DYNC1H1: variants seen among roughly 807,000 people sequenced by gnomAD.
DYNC1H1 encodes cytoplasmic dynein 1 heavy chain 1.
Under a neutral mutation model 527.1 loss-of-function variants are expected in DYNC1H1, and 51 were observed. The ratio of observed to expected loss-of-function variants is 0.10; its 90% CI spans 0.08 to 0.12. The LOEUF (loss-of-function observed/expected upper bound fraction) is 0.12. Ranked by LOEUF, DYNC1H1 falls within the 10% of genes least tolerant of loss-of-function variation. The pLI is 1.00. For synonymous variants in DYNC1H1, 2,189 were observed against 2,278.8 expected, an observed-to-expected ratio of 0.96 and a Z score of 1.12; for missense variants, 2,771 against 5,971.8, an observed-to-expected ratio of 0.46 and a Z score of 17.66.
At chr14:101,972,263 T>C (rs1323474407) in intron 1 of DYNC1H1, among the ~76,000 whole-genome samples, 4 of 151,878 alleles carry the variant, frequency 2.6e-5, no homozygotes, top group African/African-American at 9.7e-5. Context: ...TATTATTTGA[T>C]GGCAGTTTTT....
At chr14:101,969,716 T>A (rs1314595627) in intron 1 of DYNC1H1, 4 of 152,326 alleles carry the variant, frequency 2.6e-5, no homozygotes, top group Non-Finnish European at 5.9e-5. Flanking sequence ...TGCCCCATGC[T>A]GTCACACTGT....
At chr14:101,991,407 G>A in intron 10 of DYNC1H1, 120 bp from the exon 11 acceptor site, 1 of 1,288,036 alleles carries the variant, frequency 7.8e-7, no homozygotes, top group South Asian at 1.3e-5. Flanking sequence ...GGAGGTTACA[G>A]TGAGCCAAGG....
Position 102,004,926 on chromosome 14 carries a change from C to T in DYNC1H1, c.5214C>T (p.Tyr1738=), listed in dbSNP as rs757414019. 3 of 1,614,212 alleles carry T rather than the reference C, an allele frequency of 1.9e-6. No individual in the cohort carries two copies. Among genetic ancestry groups the T allele is most frequent in the Non-Finnish European group, 2.5e-6 (3 of 1,180,038 alleles). Residue 1738 remains tyrosine (Y), a synonymous_variant, in exon 25 of 78, where the codon TAC becomes TAT. Transcript: ENST00000360184. ...GKATSIDPNT[Y]ITWIDKYQAQ... ...CAACTTCAATTGACCCAAATACCTA[C>T]ATCACTTGGATTGATAAATACCAGG... is the stretch of plus-strand genomic sequence containing the variant.
chr14:102,008,246 C>T lies in DYNC1H1; in HGVS notation c.5886C>T (p.Arg1962=). 1.2e-6 allele frequency: 2 copies of T among 1,614,218 alleles called. No homozygotes were observed. The highest frequency in any genetic ancestry group is 8.5e-7 in the Non-Finnish European group (1 of 1,180,034). ...GGGGCTGCTTTGACGAGTTCAACCG[C>T]CTGGAGGAGCGGATGCTCTCGGCTG... ...GAWGCFDEFN[R]LEERMLSAVS... Residue 1962 remains arginine (R), a synonymous_variant, in exon 29 of 78, where the codon CGC becomes CGT. Transcript: ENST00000360184.
rs1165809414 is a variant in DYNC1H1, at chr14:101,989,528, C to T, written c.2868+676C>T. ...TATCTGCTGCTATTGGTGGTGGTTA[C>T]AAAGGAATCCACCTTACAGTAAGTG... On this transcript the variant is annotated intron_variant, in intron 10 of 77. Transcript: ENST00000360184. Among the ~76,000 whole-genome samples the T allele has an allele frequency of 2.0e-5, 3 of 152,178 alleles. 1 individual carries two copies. The highest frequency in any genetic ancestry group is 4.4e-5 in the Non-Finnish European group (3 of 68,040).
chr14:101,999,216 G>A (rs2048103064), intron 16 of DYNC1H1, among the ~76,000 whole-genome samples: 1 of 147,920 alleles, frequency 6.8e-6, no homozygotes, highest in South Asian at 2.2e-4. Flanking sequence ...TCACTGTGTC[G>A]CCCAGGCTGG....
rs1260546515 is a variant in DYNC1H1, at chr14:101,964,814, G to A, written c.123G>A (p.Leu41=). The change falls in exon 1 of 78, where the codon CTG becomes CTA. Residue 41 remains leucine (L), a synonymous_variant. Transcript: ENST00000360184. This position sits in a 1 kb window ranked among gnomAD's most constrained non-coding sequence, Gnocchi z 5.5. ...QKHLRKLVPL[L]LEDGGEAPAA... ...ACCTGCGCAAGCTGGTGCCGCTGCT[G>A]CTGGAGGACGGCGGCGAGGCGCCGG... 10 of 1,604,106 alleles carry A rather than the reference G, an allele frequency of 6.2e-6. No individual in the cohort carries two copies. Among genetic ancestry groups the A allele is most frequent in the Admixed American group, 1.7e-5 (1 of 58,986 alleles).
At chr14:101,971,548 G>A (rs1166394594) in intron 1 of DYNC1H1, among the ~76,000 whole-genome samples, 1 of 152,120 alleles carries the variant, frequency 6.6e-6, no homozygotes, top group African/African-American at 2.4e-5. Flanking sequence ...GCAACATGGA[G>A]AAACCTTGTC....
chr14:101,991,475 T>G (rs2047997593), intron 10 of DYNC1H1, 52 bp from the exon 11 acceptor site: 2 of 1,611,762 alleles, frequency 1.2e-6, no homozygotes, highest in East Asian at 4.5e-5. Context: ...TAAAAAAATT[T>G]TTTTTATTGA....
chr14:102,040,876 T>A, intron 64 of DYNC1H1: 1 of 645,196 alleles, frequency 1.5e-6, no homozygotes. Flanking sequence ...GGAAGGTCAC[T>A]TGAGCCTGGG....
chr14:102,008,169 C>T lies in DYNC1H1; in HGVS notation c.5818-9C>T, dbSNP rs1366670786. On this transcript the variant is annotated splice_polypyrimidine_tract_variant and intron_variant, in intron 28 of 77. Transcript: ENST00000360184. ...GTGGTTTTAGCGCCTTTCTTCCTCT[C>T]CTTTCCAGGCAATGGGCCGGATCTT... The T allele has an allele frequency of 4.3e-6, 7 of 1,613,842 alleles. No homozygotes were observed. Among genetic ancestry groups the T allele is most frequent in the Non-Finnish European group, 5.9e-6 (7 of 1,179,996 alleles).
chr14:102,004,071 C>G (rs2048166843), intron 23 of DYNC1H1, among the ~76,000 whole-genome samples: 1 of 151,712 alleles, frequency 6.6e-6, no homozygotes, highest in South Asian at 2.1e-4. Context: ...GAAACCCCGT[C>G]TCTACTAAAA....
At position 102,002,111 on chromosome 14, in the gene DYNC1H1, T is replaced by G. The variant is rs1231429062; in HGVS notation, c.4543-426T>G. Among the ~76,000 whole-genome samples, 1 of 151,280 alleles carries G rather than the reference T, an allele frequency of 6.6e-6. No individual in the cohort carries two copies. Among genetic ancestry groups the G allele is most frequent in the Non-Finnish European group, 1.5e-5 (1 of 67,836 alleles). On this transcript the variant is annotated intron_variant, in intron 21 of 77. Coordinates refer to ENST00000360184, the MANE Select transcript of DYNC1H1 (RefSeq NM_001376.5). This position sits in a 1 kb window ranked among gnomAD's most constrained non-coding sequence, Gnocchi z 4.4. ...TTGTTTGTTTGCTTGCTTTTTTGTT[T>G]TTTTTTTTTCTTTTTTTGAGATGGA...
At chr14:102,030,549 T>TA (rs1287804881) in intron 51 of DYNC1H1, 2 of 446,558 alleles carry the variant, frequency 4.5e-6, no homozygotes, top group Admixed American at 7.4e-5. Context: ...TTTGTGTCAA[T>TA]ATACGTTTTT....
At position 102,048,308 on chromosome 14, in the gene DYNC1H1, G is replaced by A. The variant is rs569703089; in HGVS notation, c.13219-208G>A. On this transcript the variant is annotated intron_variant, in intron 73 of 77. Transcript: ENST00000360184. ...CTCCCTAGAGAGCCCCGAGAGCTGC[G>A]ACTCGGGCAGGGGCCTCAGCGGGTT... 2.9e-5 allele frequency: 22 copies of A among 754,938 alleles called. No individual in the cohort carries two copies. In the East Asian group the frequency reaches 4.6e-4, roughly 16 times the overall value. The allele number at this position is 754,938 out of a possible 1,614,324, so 46.8% of individuals were successfully genotyped here.
At position 102,041,033 on chromosome 14, in the gene DYNC1H1, CTTCTAGGTAGGTG is replaced by C; in HGVS notation, c.11941+363_11941+375del. On this transcript the variant is annotated intron_variant, in intron 64 of 77. Transcript: ENST00000360184. The surrounding 1 kb of genome is among the most constrained non-coding windows in gnomAD (Gnocchi z 4.5). ...TTAAGGAAACCACTTAGGGAGATCG[CTTCTAGGTAGGTG>C]TTGGCTTAGAAGTAAATCAGAAATT... is the stretch of plus-strand genomic sequence containing the variant. 5.3e-6 allele frequency: 2 copies of C among 380,446 alleles called. No individual in the cohort carries two copies. Among genetic ancestry groups the C allele is most frequent in the Non-Finnish European group, 5.0e-6 (1 of 199,920 alleles). 23.6% of individuals were successfully genotyped at this position (380,446 alleles called of 1,614,324 possible).
rs1174467151 is a variant in DYNC1H1 at position 102,020,822 on chromosome 14, T to G, written c.8507+766T>G. Among the ~76,000 whole-genome samples the G allele has an allele frequency of 2.0e-5, 3 of 152,084 alleles. No individual in the cohort carries two copies. The highest frequency in any genetic ancestry group is 7.2e-5 in the African/African-American group (3 of 41,398). On this transcript the variant is annotated intron_variant, in intron 42 of 77. Transcript: ENST00000360184. The surrounding 1 kb of genome is among the most constrained non-coding windows in gnomAD (Gnocchi z 4.3). ...CTCTGGACCAGGTGTCATCCTGCAG[T>G]TTTTCCTGTCATTACTGTACAAGGA...
Position 102,010,670 on chromosome 14 carries a change from C to T in DYNC1H1, c.6406-70C>T, listed in dbSNP as rs918618479. ...TTCACCAACAGTTACTGATCACGCA[C>T]CTCCTGGGGATGCAGCGGGCAGTAC... On this transcript the variant is annotated intron_variant, in intron 31 of 77. Transcript: ENST00000360184. The surrounding 1 kb of genome is among the most constrained non-coding windows in gnomAD (Gnocchi z 6.0). 9 of 1,594,800 alleles carry T rather than the reference C, an allele frequency of 5.6e-6. No homozygotes were observed. Among genetic ancestry groups the T allele is most frequent in the South Asian group, 1.1e-5 (1 of 90,412 alleles).
At chr14:101,998,880 T>TC (rs2048096533) in intron 16 of DYNC1H1, among the ~76,000 whole-genome samples, 1 of 84,096 alleles carries the variant, frequency 1.2e-5, no homozygotes, top group South Asian at 3.4e-4. Context: ...AAACTTTTTC[T>TC]TTTTTTTTTT....
Sources: gnomAD v4.1 joint callset for allele counts (sites outside exome capture counted in the v4.1 genomes callset) on GRCh38, gnomAD v4.1.1 for gene constraint, Gnocchi (gnomAD v3.1) non-coding constraint, MANE v1.5 for transcripts, NCBI Gene and HGNC (gene_info 2026-07-23, HGNC 2026-07-21) for gene names.